Variants in NPHP4 observed in about 807,000 individuals in gnomAD.
The protein encoded by NPHP4 is nephrocystin 4.
Under a neutral mutation model 155.8 loss-of-function variants are expected in NPHP4, and 151 were observed. The ratio of observed to expected loss-of-function variants is 0.97; its 90% CI spans 0.85 to 1.11. The LOEUF (loss-of-function observed/expected upper bound fraction) is 1.11, where lower values mean the gene tolerates loss of function less well. Among genes scored for constraint, NPHP4 ranks in the 50% least tolerant of loss-of-function variants. NPHP4 has a pLI of 0.00. For missense variants in NPHP4, 1,956 were observed against 1,925.7 expected (o/e 1.02, Z -0.29); for synonymous variants, 845 against 816.8 (o/e 1.03, Z -0.59).
At chr1:5,885,560 T>A (rs1643723989) in intron 18 of NPHP4, among the ~76,000 whole-genome samples, 1 of 152,192 alleles carries the variant, frequency 6.6e-6, no homozygotes, top group Non-Finnish European at 1.5e-5. Context: ...CTCCCCATCA[T>A]CAGAGTCCCA....
rs1320346508 is a variant in NPHP4, at chr1:5,892,446, C to G, written c.2144-1418G>C. On this transcript the variant is annotated intron_variant, in intron 16 of 29. Coordinates refer to ENST00000378156, the MANE Select transcript of NPHP4 (RefSeq NM_015102.5). This position sits in a 1 kb window ranked among gnomAD's most constrained non-coding sequence, Gnocchi z 4.5. The stretch of plus-strand genomic sequence containing the variant: ...AGAGCTCCTTAAGGGTGGGGCCCTG[C>G]TTGTCCAGTTCTCCCAGCACTACCC... 6.6e-6 allele frequency among the ~76,000 whole-genome samples: 1 copy of G among 152,126 alleles called. No individual in the cohort carries two copies. The highest frequency in any genetic ancestry group is 1.5e-5 in the Non-Finnish European group (1 of 68,002).
Position 5,867,886 on chromosome 1 carries a change from C to T in NPHP4, c.3326G>A (p.Arg1109Gln), listed in dbSNP as rs747973596. 15 of 1,613,916 alleles carry T rather than the reference C, an allele frequency of 9.3e-6. No homozygotes were observed. The highest frequency in any genetic ancestry group is 4.5e-5 in the East Asian group (2 of 44,872). Reference protein sequence around the residue: ...VPTKHAKVLFRASGGKPIAVL... With the variant: ...VPTKHAKVLFQASGGKPIAVL... ...GGCGATGGGCTTGCCACCACTCGCT[C>T]GGAACAAGACCTGTGAGGAGGCCAC... The change falls in exon 24 of 30, where the codon CGA becomes CAA. Residue 1109 changes from arginine to glutamine, a missense_variant. Transcript: ENST00000378156. The surrounding 1 kb of genome is among the most constrained non-coding windows in gnomAD (Gnocchi z 4.1).
intron 23 of NPHP4, chr1:5,868,167 A>G: frequency 1.8e-6 from 1 of 544,192 alleles, no homozygotes; most frequent in South Asian, 1.9e-5. Context: ...CGAGTACAGC[A>G]CACTTCTTAA....
chr1:5,952,700 C>A lies in NPHP4; in HGVS notation c.810G>T (p.Glu270Asp). The A allele has an allele frequency of 6.4e-7, 1 of 1,552,184 alleles. No individual in the cohort carries two copies. The highest frequency in any genetic ancestry group is 8.7e-7 in the Non-Finnish European group (1 of 1,148,126). The change falls in exon 7 of 30, where the codon GAG becomes GAT. Residue 270 changes from glutamate to aspartate, a missense_variant and splice_region_variant. Glu to Asp is a conservative substitution (Grantham distance 45). Coordinates refer to ENST00000378156, the MANE Select transcript of NPHP4 (RefSeq NM_015102.5). Reference protein sequence around the residue: ...LELHVQDHFQEGCGPLDGGAL... With the variant: ...LELHVQDHFQDGCGPLDGGAL... ...CCCCATCACGCTTCTGACTCCACAC[C>A]TCCTGGAAGTGGTCCTGGACGTGGA...
chr1:5,873,258 G>T lies in NPHP4; in HGVS notation c.3309C>A (p.His1103Gln). 1 of 1,613,320 alleles carries T rather than the reference G, an allele frequency of 6.2e-7. No homozygotes were observed. Among genetic ancestry groups the T allele is most frequent in the South Asian group, 1.1e-5 (1 of 91,068 alleles). Residue 1103 changes from histidine (H) to glutamine (Q), a missense_variant, in exon 23 of 30, where the codon CAC becomes CAA. His to Gln is a conservative substitution (Grantham distance 24). Coordinates refer to ENST00000378156, the MANE Select transcript of NPHP4 (RefSeq NM_015102.5). Reference sequence around the variant, plus strand: ...TCCTCCGTTGCCCCTTTACCTTGGCGTGTTTAGTGGGCACTGCGCTGGACT... The same window carrying T: ...TCCTCCGTTGCCCCTTTACCTTGGCTTGTTTAGTGGGCACTGCGCTGGACT... ...PWKSSAVPTK[H>Q]AKVLFRASGG...
intron 18 of NPHP4, among the ~76,000 whole-genome samples, chr1:5,883,941 G>GC (rs1455191459): frequency 6.6e-6 from 1 of 152,206 alleles, no homozygotes; most frequent in Non-Finnish European, 1.5e-5. Context: ...GACAATGGCT[G>GC]CAGCGGGTGT....
chr1:5,962,092 C>G (rs116164140), intron 5 of NPHP4, 143 bp from the exon 6 acceptor site: 1 of 550,948 alleles, frequency 1.8e-6, no homozygotes, highest in East Asian at 2.8e-5. Context: ...TGCTCTGTTC[C>G]GCCTCAAGTG....
intron 2 of NPHP4, among the ~76,000 whole-genome samples, chr1:5,979,766 G>C (rs749529870): frequency 6.6e-6 from 1 of 151,892 alleles, no homozygotes; most frequent in Non-Finnish European, 1.5e-5. Context: ...CGCCCGTCTC[G>C]GCCTCCCAAA....
intron 19 of NPHP4, among the ~76,000 whole-genome samples, chr1:5,879,893 G>A (rs772416163): frequency 6.8e-5 from 10 of 146,448 alleles, no homozygotes; most frequent in East Asian, 2.0e-4. Context: ...ACACGCACAC[G>A]TGCACACATG....
At chr1:5,955,936 C>T (rs1162963716) in intron 6 of NPHP4, among the ~76,000 whole-genome samples, 2 of 152,032 alleles carry the variant, frequency 1.3e-5, no homozygotes. Context: ...ATTACAGTCA[C>T]GCTAGTACTC....
chr1:5,934,025 G>A (rs766032235), intron 9 of NPHP4, among the ~76,000 whole-genome samples: 21 of 152,178 alleles, frequency 1.4e-4, no homozygotes, highest in Non-Finnish European at 2.4e-4. Flanking sequence ...ACGGTTTCAC[G>A]GCTTGACTGA....
At chr1:5,946,643 C>T (rs371627486) in intron 9 of NPHP4, among the ~76,000 whole-genome samples, 1 of 152,368 alleles carries the variant, frequency 6.6e-6, no homozygotes, top group East Asian at 1.9e-4. Context: ...CTTTTGTGTG[C>T]TAATGAGATG....
rs199875603 is a variant in NPHP4 at position 5,877,129 on chromosome 1, G to T, written c.2781C>A (p.Ala927=). 1 of 1,587,960 alleles carries T rather than the reference G, an allele frequency of 6.3e-7. No homozygotes were observed. Among genetic ancestry groups the T allele is most frequent in the Non-Finnish European group, 8.6e-7 (1 of 1,160,204 alleles). Residue 927 remains alanine, a synonymous_variant, in exon 20 of 30, where the codon GCC becomes GCA. Transcript: ENST00000378156. ...TCCCGCGCCGGCCCAAGTCTCCCCC[G>T]GCCTCCTGCAGGCGCACAGACCTCA... The part of the protein sequence containing the change: ...ERMRSVRLQE[A]GGDLGRRGTS...
intron 16 of NPHP4, among the ~76,000 whole-genome samples, chr1:5,902,668 AAAC>A (rs1316485964): frequency 6.6e-6 from 1 of 152,244 alleles, no homozygotes; most frequent in Non-Finnish European, 1.5e-5. Flanking sequence ...TGAACAATTA[AAAC>A]AATATCTTAA....
intron 7 of NPHP4, among the ~76,000 whole-genome samples, chr1:5,948,676 C>G (rs1647305298): frequency 6.6e-6 from 1 of 152,160 alleles, no homozygotes; most frequent in African/African-American, 2.4e-5. Flanking sequence ...GCCCCCTTCC[C>G]TGGGGCCCAA....
At chr1:5,874,749 G>T in intron 21 of NPHP4, 92 bp from the exon 22 acceptor site, 1 of 1,522,606 alleles carries the variant, frequency 6.6e-7, no homozygotes, top group Non-Finnish European at 9.0e-7. Context: ...GGTGCTCAGA[G>T]GAGTGGGAGA....
At chr1:5,978,910 T>C (rs1047972116) in intron 2 of NPHP4, among the ~76,000 whole-genome samples, 1 of 152,222 alleles carries the variant, frequency 6.6e-6, no homozygotes, top group Non-Finnish European at 1.5e-5. Context: ...CTTCCTGATA[T>C]AACCAGAAAC....
intron 7 of NPHP4, among the ~76,000 whole-genome samples, chr1:5,948,874 TACAGGCGCTATAACAAATGA>T (rs1647343833): frequency 6.6e-6 from 1 of 152,242 alleles, no homozygotes; most frequent in Non-Finnish European, 1.5e-5. Flanking sequence ...AACAAAAATG[TACAGGCGCTATAACAAATGA>T]ACAAGGATAT....
chr1:5,948,036 C>T (rs1429274151), intron 8 of NPHP4, 34 bp downstream of exon 8: 1 of 1,554,474 alleles, frequency 6.4e-7, no homozygotes, highest in Admixed American at 1.7e-5. Flanking sequence ...CCTTGCACAT[C>T]CCCACCCATC....
Sources: allele counts gnomAD v4.1 joint callset (sites outside exome capture counted in the v4.1 genomes callset), GRCh38; gene constraint gnomAD v4.1.1; non-coding constraint Gnocchi (gnomAD v3.1); transcripts MANE v1.5; gene names NCBI Gene and HGNC (gene_info 2026-07-23, HGNC 2026-07-21).